The following CNTN5 variants were observed in gnomAD, a reference collection of about 807,000 sequenced individuals.
CNTN5 encodes the protein contactin 5.
In CNTN5, 77 loss-of-function variants were observed where a neutral mutation model predicts 129.1. The observed-to-expected ratio is 0.60, with a 90% confidence interval of 0.50 to 0.72. The LOEUF (loss-of-function observed/expected upper bound fraction) is 0.72. CNTN5 is among the 30% of genes least tolerant of loss of function. The pLI is 0.00. For missense variants in CNTN5, 1,478 were observed against 1,328.8 expected (o/e 1.11, Z -1.75); for synonymous variants, 509 against 465.6 (o/e 1.09, Z -1.20).
intron 6 of CNTN5, among the ~76,000 whole-genome samples, chr11:99,877,611 T>TA (rs5794026): frequency 3.3e-5 from 5 of 151,628 alleles, no homozygotes; most frequent in Non-Finnish European, 5.9e-5. Flanking sequence ...ATCTTTAGTT[T>TA]AAAAAAAAAA....
chr11:99,746,127 G>T (rs1944048169), intron 3 of CNTN5, among the ~76,000 whole-genome samples: 1 of 152,142 alleles, frequency 6.6e-6, no homozygotes, highest in Non-Finnish European at 1.5e-5. Context: ...TGCATTTGGG[G>T]TCATACTAAA....
At position 99,211,139 on chromosome 11, in the gene CNTN5, G is replaced by A. The variant is rs555763182; in HGVS notation, c.-209-114207G>A. On this transcript the variant is annotated intron_variant, in intron 1 of 24. Coordinates refer to ENST00000524871, the MANE Select transcript of CNTN5 (RefSeq NM_014361.4). ...CTTAACCCATTACCAAGATATGATC[G>A]TAAAATGTCCCTTTTTATTATCTTG... Among the ~76,000 whole-genome samples the A allele has an allele frequency of 5.3e-5, 8 of 151,996 alleles. No homozygotes were observed. The South Asian group carries it at 1.7e-3, about 32-fold the overall frequency.
At chr11:100,160,199 G>T (rs936179713) in intron 13 of CNTN5, among the ~76,000 whole-genome samples, 3 of 151,818 alleles carry the variant, frequency 2.0e-5, no homozygotes, top group African/African-American at 7.3e-5. Context: ...GTGTTTGTTT[G>T]CTGAGAATGA....
chr11:99,328,314 C>T (rs867574533), intron 2 of CNTN5, among the ~76,000 whole-genome samples: 54 of 151,962 alleles, frequency 3.6e-4, no homozygotes, highest in African/African-American at 1.3e-3. Flanking sequence ...TTAGAGTGTC[C>T]ACAGCAATCT....
At chr11:99,078,544 A>T (rs1865670555) in intron 1 of CNTN5, among the ~76,000 whole-genome samples, 1 of 152,228 alleles carries the variant, frequency 6.6e-6, no homozygotes, top group South Asian at 2.1e-4. Context: ...GCATCAACAG[A>T]TGAATAAATA....
chr11:99,951,118 A>G (rs944272760), intron 7 of CNTN5, among the ~76,000 whole-genome samples: 4 of 152,124 alleles, frequency 2.6e-5, no homozygotes, highest in Non-Finnish European at 5.9e-5. Flanking sequence ...TAGCTTTCCT[A>G]AAGGTCATGT....
At chr11:99,623,879 A>T (rs1951040094) in intron 3 of CNTN5, among the ~76,000 whole-genome samples, 1 of 152,132 alleles carries the variant, frequency 6.6e-6, no homozygotes. Context: ...TGTTTCTGAC[A>T]TACATCATTT....
intron 7 of CNTN5, among the ~76,000 whole-genome samples, chr11:99,941,589 GAGAA>G (rs1159350416): frequency 9.1e-5 from 6 of 65,588 alleles, no homozygotes; most frequent in Non-Finnish European, 1.9e-4. Flanking sequence ...CACACACAAA[GAGAA>G]AGAGAGATAG....
chr11:99,512,528 T>C (rs1441509489), intron 2 of CNTN5, among the ~76,000 whole-genome samples: 1 of 152,196 alleles, frequency 6.6e-6, no homozygotes, highest in Non-Finnish European at 1.5e-5. Flanking sequence ...TATTGTCTTA[T>C]TTATAACGTG....
At chr11:99,712,099 C>A (rs1419832227) in intron 3 of CNTN5, among the ~76,000 whole-genome samples, 1 of 152,120 alleles carries the variant, frequency 6.6e-6, no homozygotes, top group Non-Finnish European at 1.5e-5. Context: ...CTCCCACCAA[C>A]AGTGTAAAGC....
chr11:99,099,806 A>G (rs1342046499), intron 1 of CNTN5, among the ~76,000 whole-genome samples: 1 of 152,086 alleles, frequency 6.6e-6, no homozygotes, highest in African/African-American at 2.4e-5. Context: ...CTTCGAAAAA[A>G]CTGACATTTA....
rs1448097105 is a variant in CNTN5, at chr11:99,772,617, T to G, written c.56-46927T>G. Among the ~76,000 whole-genome samples, 17 of 152,136 alleles carry G rather than the reference T, an allele frequency of 1.1e-4. 1 individual carries two copies. Among genetic ancestry groups the G allele is most frequent in the Admixed American group, 1.1e-3 (17 of 15,244 alleles). On this transcript the variant is annotated intron_variant, in intron 3 of 24. Transcript: ENST00000524871. Reference sequence around the variant, plus strand: ...GGACAACTTTGATTCTAACCAAATCTCAAGATACTTTTGAAGGTGAACTTG... The same window carrying G: ...GGACAACTTTGATTCTAACCAAATCGCAAGATACTTTTGAAGGTGAACTTG...
intron 1 of CNTN5, among the ~76,000 whole-genome samples, chr11:99,170,367 A>T (rs888882464): frequency 8.5e-5 from 13 of 152,334 alleles, no homozygotes; most frequent in African/African-American, 3.1e-4. Flanking sequence ...GAAAACCAGC[A>T]GCAGGCTCTT....
intron 2 of CNTN5, among the ~76,000 whole-genome samples, chr11:99,410,684 C>G (rs1172257136): frequency 6.6e-6 from 1 of 152,138 alleles, no homozygotes; most frequent in Non-Finnish European, 1.5e-5. Context: ...TTAGAAGGAA[C>G]TTTAAAAGGT....
At chr11:99,512,497 T>A (rs1946876263) in intron 2 of CNTN5, among the ~76,000 whole-genome samples, 1 of 152,188 alleles carries the variant, frequency 6.6e-6, no homozygotes, top group Non-Finnish European at 1.5e-5. Context: ...TATTGCTCTT[T>A]GGTTTATTGC....
At chr11:99,998,737 G>A (rs867684186) in intron 8 of CNTN5, among the ~76,000 whole-genome samples, 1,503 of 145,174 alleles carry the variant, frequency 0.01, 27 homozygotes, top group African/African-American at 0.035. Flanking sequence ...GAGGCATCAC[G>A]CTACCTGACT....
At chr11:100,282,991 C>A (rs1950674737) in intron 18 of CNTN5, among the ~76,000 whole-genome samples, 1 of 152,184 alleles carries the variant, frequency 6.6e-6, no homozygotes, top group Admixed American at 6.5e-5. Flanking sequence ...GCAATGGGCT[C>A]CCTTCTGTCC....
intron 2 of CNTN5, among the ~76,000 whole-genome samples, chr11:99,515,367 T>G: frequency 6.6e-6 from 1 of 151,994 alleles, no homozygotes; most frequent in Non-Finnish European, 1.5e-5. Flanking sequence ...AAAAATGACT[T>G]TGTTCTGAAT....
At chr11:100,274,281 C>T (rs907656772) in intron 18 of CNTN5, among the ~76,000 whole-genome samples, 1 of 152,072 alleles carries the variant, frequency 6.6e-6, no homozygotes, top group Non-Finnish European at 1.5e-5. Context: ...AGAAAACAAC[C>T]TAGGTAATAC....
Sources: gnomAD v4.1 joint callset for allele counts (sites outside exome capture counted in the v4.1 genomes callset) on GRCh38, gnomAD v4.1.1 for gene constraint, MANE v1.5 for transcripts, NCBI Gene and HGNC (gene_info 2026-07-23, HGNC 2026-07-21) for gene names.